The following MEF2C variants were observed in gnomAD, a reference collection of about 807,000 sequenced individuals.
MEF2C encodes myocyte-specific enhancer factor 2C.
In MEF2C, 6 loss-of-function variants were observed where a neutral mutation model predicts 50.5. The ratio of observed to expected loss-of-function variants is 0.12; its 90% CI spans 0.07 to 0.23. MEF2C has a LOEUF of 0.23. Among genes scored for constraint, MEF2C ranks in the 10% least tolerant of loss-of-function variants. The pLI is 1.00. For synonymous variants in MEF2C, 183 were observed against 228.0 expected (o/e 0.80, Z 1.78); for missense variants, 276 against 605.0 (o/e 0.46, Z 5.70).
At chr5:88,836,903 G>A (rs941037770) in intron 1 of MEF2C, among the ~76,000 whole-genome samples, 1 of 148,228 alleles carries the variant, frequency 6.7e-6, no homozygotes, top group Non-Finnish European at 1.5e-5. Flanking sequence ...GCAAGCTCAC[G>A]ACTTTCCTTT....
chr5:88,752,613 C>T (rs1773354004), intron 4 of MEF2C: 2 of 985,030 alleles, frequency 2.0e-6, no homozygotes, highest in Non-Finnish European at 2.4e-6. Context: ...GAGCATGTAT[C>T]ATTCAATAAT....
At chr5:88,735,525 T>A (rs569313816) in intron 6 of MEF2C, 1 of 979,728 alleles carries the variant, frequency 1.0e-6, no homozygotes, top group South Asian at 4.7e-5. Context: ...TTAGAGTCAG[T>A]TTGTTTTATA....
intron 1 of MEF2C, among the ~76,000 whole-genome samples, chr5:88,869,775 T>C (rs1828942549): frequency 6.7e-6 from 1 of 149,790 alleles, no homozygotes; most frequent in South Asian, 2.1e-4. Flanking sequence ...CGAACAAAAA[T>C]TAATTTCATA....
In MEF2C at chr5:88,816,918, C is replaced by CT. The variant is rs1485939987; in HGVS notation, c.54+6816dup. On this transcript the variant is annotated intron_variant, in intron 2 of 10. Coordinates refer to ENST00000504921, the MANE Select transcript of MEF2C (RefSeq NM_002397.5). The stretch of plus-strand genomic sequence containing the variant: ...AATCAATAATTTTTCACTGATTGAG[C>CT]TTTTTTTCACTAGGTCTGAAAGAGA... 5.3e-5 allele frequency among the ~76,000 whole-genome samples: 8 copies of CT among 151,716 alleles called. No homozygotes were observed. The South Asian group carries it at 1.0e-3, about 20-fold the overall frequency.
At chr5:88,891,421 G>T (rs1296180970) in intron 1 of MEF2C, among the ~76,000 whole-genome samples, 2 of 103,666 alleles carry the variant, frequency 1.9e-5, no homozygotes, top group Non-Finnish European at 1.7e-5. Flanking sequence ...TTTTTGAGAC[G>T]CAGTCTCGCT....
At chr5:88,866,272 C>T (rs1827345346) in intron 1 of MEF2C, among the ~76,000 whole-genome samples, 1 of 152,208 alleles carries the variant, frequency 6.6e-6, no homozygotes, top group Non-Finnish European at 1.5e-5. Flanking sequence ...GTAATCCAAA[C>T]AAGCATTTCA....
rs182389684 is a variant in MEF2C at position 88,801,282 on chromosome 5, T to C, written c.258+3316A>G. Among the ~76,000 whole-genome samples, 29 of 152,288 alleles carry C rather than the reference T, an allele frequency of 1.9e-4. No homozygotes were observed. In the East Asian group the frequency reaches 5.2e-3, roughly 27 times the overall value. Reference sequence around the variant, plus strand: ...CATATTATGCTCCTCATTAAACTTATTCAGTTAAATGTATTCCATTAAATT... The same window carrying C: ...CATATTATGCTCCTCATTAAACTTACTCAGTTAAATGTATTCCATTAAATT... On this transcript the variant is annotated intron_variant, in intron 3 of 10. Coordinates refer to ENST00000504921, the MANE Select transcript of MEF2C (RefSeq NM_002397.5).
intron 3 of MEF2C, among the ~76,000 whole-genome samples, chr5:88,793,723 C>G (rs1157947992): frequency 6.6e-6 from 1 of 152,092 alleles, no homozygotes; most frequent in Non-Finnish European, 1.5e-5. Flanking sequence ...TATACACGTG[C>G]CATGGTGGTT....
intron 10 of MEF2C, among the ~76,000 whole-genome samples, chr5:88,726,803 G>C (rs1272628607): frequency 6.6e-6 from 1 of 151,972 alleles, no homozygotes; most frequent in Non-Finnish European, 1.5e-5. Flanking sequence ...CCTTGTAATA[G>C]AAAAGAGTTT....
intron 3 of MEF2C, among the ~76,000 whole-genome samples, chr5:88,803,333 C>G (rs1318153115): frequency 3.9e-5 from 6 of 152,076 alleles, no homozygotes; most frequent in Non-Finnish European, 7.4e-5. Flanking sequence ...ATAATCAGCT[C>G]AATACTTTTG....
At chr5:88,775,986 A>G (rs970017671) in intron 3 of MEF2C, 9 of 172,724 alleles carry the variant, frequency 5.2e-5, no homozygotes, top group African/African-American at 1.9e-4. Flanking sequence ...ACCATTATAC[A>G]CTTACTATGA....
chr5:88,859,003 A>T (rs947666788), intron 1 of MEF2C, among the ~76,000 whole-genome samples: 1 of 152,198 alleles, frequency 6.6e-6, no homozygotes, highest in Non-Finnish European at 1.5e-5. Flanking sequence ...CATTGTTTCC[A>T]CAAAAATTCT....
chr5:88,818,575 T>C (rs957028377), intron 2 of MEF2C, among the ~76,000 whole-genome samples: 1 of 151,882 alleles, frequency 6.6e-6, no homozygotes, highest in Non-Finnish European at 1.5e-5. Flanking sequence ...TGAAAACAGG[T>C]CCCACAAGCA....
chr5:88,832,137 G>A (rs189716937), intron 1 of MEF2C, among the ~76,000 whole-genome samples: 1 of 152,212 alleles, frequency 6.6e-6, no homozygotes, highest in East Asian at 1.9e-4. Context: ...GACTTCTGAA[G>A]CCATTCTATA....
intron 6 of MEF2C, among the ~76,000 whole-genome samples, chr5:88,745,128 C>A (rs967403906): frequency 3.7e-4 from 57 of 152,284 alleles, no homozygotes; most frequent in African/African-American, 1.3e-3. Flanking sequence ...GCTAGAAGAT[C>A]TATTTTTCCC....
intron 1 of MEF2C, chr5:88,838,558 A>C: frequency 1.0e-6 from 1 of 985,156 alleles, no homozygotes; most frequent in Non-Finnish European, 1.2e-6. Context: ...AATTACACAG[A>C]ATTCTCATCT....
chr5:88,862,659 C>T (rs1825894714), intron 1 of MEF2C, among the ~76,000 whole-genome samples: 1 of 152,094 alleles, frequency 6.6e-6, no homozygotes, highest in African/African-American at 2.4e-5. Context: ...CTGTTTGGCC[C>T]TTTTCTCTTA....
intron 2 of MEF2C, 22 bp downstream of exon 2, chr5:88,823,712 CA>C (rs776944410): frequency 1.1e-5 from 18 of 1,578,134 alleles, no homozygotes; most frequent in Admixed American, 1.7e-5. Context: ...AATAATGATA[CA>C]AAAAAAGTTT....
chr5:88,853,791 G>A (rs1822265856), intron 1 of MEF2C, among the ~76,000 whole-genome samples: 1 of 152,236 alleles, frequency 6.6e-6, no homozygotes. Flanking sequence ...CACATGGTCA[G>A]ATGCTCATCA....
Sources: allele counts gnomAD v4.1 joint callset (sites outside exome capture counted in the v4.1 genomes callset), GRCh38; gene constraint gnomAD v4.1.1; transcripts MANE v1.5; gene names NCBI Gene and HGNC (gene_info 2026-07-23, HGNC 2026-07-21).